AGBL4: variants seen among roughly 807,000 people sequenced by gnomAD.
The protein encoded by AGBL4 is cytosolic carboxypeptidase 6.
A neutral mutation model predicts 66.4 loss-of-function variants in AGBL4; 58 were observed. The observed-to-expected ratio is 0.87, with a 90% confidence interval of 0.71 to 1.09. The LOEUF (loss-of-function observed/expected upper bound fraction) is 1.09, where lower values mean the gene tolerates loss of function less well. Among genes scored for constraint, AGBL4 ranks in the 50% least tolerant of loss-of-function variants. The probability of loss-of-function intolerance (pLI) is 0.00; values close to 1 mark genes in which losing one functional copy is unlikely to be tolerated. For synonymous variants in AGBL4, 234 were observed against 222.9 expected, an observed-to-expected ratio of 1.05 and a Z score of -0.44; for missense variants, 579 against 631.0, an observed-to-expected ratio of 0.92 and a Z score of 0.88.
At chr1:48,968,203 G>A (rs1305697547) in intron 5 of AGBL4, among the ~76,000 whole-genome samples, 1 of 152,086 alleles carries the variant, frequency 6.6e-6, no homozygotes, top group African/African-American at 2.4e-5. Flanking sequence ...CAAGAAAACC[G>A]AAGTGCTAGA....
chr1:48,801,558 A>G (rs1333300540), intron 6 of AGBL4, among the ~76,000 whole-genome samples: 1 of 152,056 alleles, frequency 6.6e-6, no homozygotes, highest in African/African-American at 2.4e-5. Context: ...TTCTACTTTA[A>G]TATCTTGCTC....
At chr1:48,852,253 C>A (rs1190805383) in intron 6 of AGBL4, among the ~76,000 whole-genome samples, 1 of 152,060 alleles carries the variant, frequency 6.6e-6, no homozygotes, top group African/African-American at 2.4e-5. Flanking sequence ...TCTTTTCTTT[C>A]TTTTTGAGAT....
At chr1:49,443,979 T>G (rs1646096083) in intron 3 of AGBL4, among the ~76,000 whole-genome samples, 1 of 151,908 alleles carries the variant, frequency 6.6e-6, no homozygotes, top group Admixed American at 6.6e-5. Flanking sequence ...TTTTCATTTG[T>G]TTCAAGAAAT....
At chr1:48,996,792 G>C (rs1318785014) in intron 5 of AGBL4, among the ~76,000 whole-genome samples, 1 of 129,620 alleles carries the variant, frequency 7.7e-6, no homozygotes, top group African/African-American at 3.5e-5. Context: ...GGAAAATGTG[G>C]GGCCAAGGAA....
intron 3 of AGBL4, among the ~76,000 whole-genome samples, chr1:49,612,269 T>C (rs562011028): frequency 6.6e-6 from 1 of 152,322 alleles, no homozygotes; most frequent in South Asian, 2.1e-4. Context: ...TGCAGGAAGC[T>C]CACAGTCAAG....
chr1:48,539,480 C>G (rs1028402074), intron 12 of AGBL4, among the ~76,000 whole-genome samples, 162 bp downstream of exon 12: 4 of 152,034 alleles, frequency 2.6e-5, no homozygotes, highest in African/African-American at 9.7e-5. Flanking sequence ...TGCTCAGGAA[C>G]TATGCTCTTC....
chr1:48,659,989 C>A (rs569376903), intron 7 of AGBL4, among the ~76,000 whole-genome samples: 1 of 152,186 alleles, frequency 6.6e-6, no homozygotes, highest in East Asian at 1.9e-4. Context: ...GTGGTTTTCC[C>A]AGGGTTACAT....
intron 3 of AGBL4, among the ~76,000 whole-genome samples, chr1:49,622,226 A>T (rs1413134774): frequency 6.6e-6 from 1 of 152,236 alleles, no homozygotes; most frequent in East Asian, 1.9e-4. Flanking sequence ...ATAATCAAAA[A>T]AACATAGGTT....
At chr1:49,525,325 A>T (rs1416819826) in intron 3 of AGBL4, among the ~76,000 whole-genome samples, 3 of 152,076 alleles carry the variant, frequency 2.0e-5, no homozygotes, top group African/African-American at 7.2e-5. Context: ...CTGTAGAGTG[A>T]GTGGTCAGGG....
At chr1:48,530,219 G>T (rs1000735812), downstream of AGBL4, among the ~76,000 whole-genome samples, 1 of 152,114 alleles carries the variant, frequency 6.6e-6, no homozygotes, top group East Asian at 1.9e-4. Context: ...TACCTTTAGG[G>T]TTCTCATTTT....
chr1:49,129,309 T>C (rs1645834687), intron 4 of AGBL4, among the ~76,000 whole-genome samples: 1 of 151,744 alleles, frequency 6.6e-6, no homozygotes, highest in African/African-American at 2.4e-5. Flanking sequence ...TTGTTGTTGT[T>C]TTTTCATTTT....
intron 5 of AGBL4, among the ~76,000 whole-genome samples, chr1:48,950,627 T>A (rs975901921): frequency 6.6e-6 from 1 of 152,144 alleles, no homozygotes; most frequent in Non-Finnish European, 1.5e-5. Flanking sequence ...TGGAAATAAG[T>A]GCATGAGAGA....
chr1:49,828,615 T>C (rs1207028824), intron 2 of AGBL4, among the ~76,000 whole-genome samples: 5 of 152,200 alleles, frequency 3.3e-5, no homozygotes, highest in African/African-American at 1.2e-4. Flanking sequence ...TAGTCACTGA[T>C]CACTTTGTAG....
rs960762154 is a variant in AGBL4 at position 49,213,313 on chromosome 1, T to G, written c.377+32457A>C. 1.6e-4 allele frequency among the ~76,000 whole-genome samples: 25 copies of G among 152,120 alleles called. 1 individual carries two copies. The highest frequency in any genetic ancestry group is 5.9e-5 in the Non-Finnish European group (4 of 68,004). On this transcript the variant is annotated intron_variant, in intron 4 of 13. Coordinates refer to ENST00000371839, the MANE Select transcript of AGBL4 (RefSeq NM_032785.4). The stretch of plus-strand genomic sequence containing the variant: ...GATCAATGTGGCATTTTGAAGTATA[T>G]CTGACATAGTTTGAATATACATGCC...
intron 4 of AGBL4, among the ~76,000 whole-genome samples, chr1:49,119,335 A>G (rs1645602944): frequency 6.6e-6 from 1 of 152,166 alleles, no homozygotes; most frequent in Non-Finnish European, 1.5e-5. Context: ...GTGGGTATTC[A>G]GTGCTATAAA....
chr1:49,729,924 T>G (rs1649304557), intron 2 of AGBL4, among the ~76,000 whole-genome samples: 1 of 152,158 alleles, frequency 6.6e-6, no homozygotes, highest in African/African-American at 2.4e-5. Flanking sequence ...GAAAATGAGC[T>G]GAGCTGCCAG....
At chr1:49,544,927 C>T (rs1652358270) in intron 3 of AGBL4, among the ~76,000 whole-genome samples, 1 of 152,230 alleles carries the variant, frequency 6.6e-6, no homozygotes, top group Non-Finnish European at 1.5e-5. Flanking sequence ...TGAGCCTATA[C>T]TATCTACTTG....
At chr1:49,951,261 G>A (rs953943980) in intron 1 of AGBL4, among the ~76,000 whole-genome samples, 50 of 151,806 alleles carry the variant, frequency 3.3e-4, no homozygotes, top group African/African-American at 1.1e-3. Context: ...TGATATAATG[G>A]ATACTGTGAA....
At chr1:49,426,893 C>G (rs1024232936) in intron 3 of AGBL4, among the ~76,000 whole-genome samples, 1 of 152,022 alleles carries the variant, frequency 6.6e-6, no homozygotes, top group Non-Finnish European at 1.5e-5. Context: ...GTTGAAAAAG[C>G]CAAGGAAATG....
Sources: allele counts gnomAD v4.1 joint callset (sites outside exome capture counted in the v4.1 genomes callset), GRCh38; gene constraint gnomAD v4.1.1; transcripts MANE v1.5; gene names NCBI Gene and HGNC (gene_info 2026-07-23, HGNC 2026-07-21).